PGM2L1: variants seen among roughly 807,000 people sequenced by gnomAD.
The protein encoded by PGM2L1 is phosphoglucomutase 2 like 1.
A neutral mutation model predicts 73.4 loss-of-function variants in PGM2L1; 35 were observed. The ratio of observed to expected loss-of-function variants is 0.48; its 90% CI spans 0.36 to 0.63. PGM2L1 has a LOEUF of 0.63. PGM2L1 is among the 30% of genes least tolerant of loss of function. The pLI is 0.00. For missense variants in PGM2L1, 570 were observed against 742.0 expected, an observed-to-expected ratio of 0.77 and a Z score of 2.69; for synonymous variants, 225 against 253.8, an observed-to-expected ratio of 0.89 and a Z score of 1.08.
chr11:74,392,326 G>A (rs1241569766), intron 1 of PGM2L1, among the ~76,000 whole-genome samples: 1 of 151,952 alleles, frequency 6.6e-6, no homozygotes, highest in Non-Finnish European at 1.5e-5. Context: ...AGGAGAAAAT[G>A]TAGGAAATTT....
chr11:74,365,174 G>A (rs1862635869), intron 5 of PGM2L1, among the ~76,000 whole-genome samples: 1 of 151,608 alleles, frequency 6.6e-6, no homozygotes, highest in Admixed American at 6.6e-5. Flanking sequence ...GTAGAAAGCT[G>A]AAACTGGATC....
At position 74,342,917 on chromosome 11, in the gene PGM2L1, T is replaced by C. The variant is rs912809803; in HGVS notation, c.1410A>G (p.Thr470=). ...MASYLETMNI[T]LKQQLVKVYE... Reference sequence around the variant, plus strand: ...AAACCTTAACCAGTTGCTGTTTCAATGTTATATTCATGGTTTCCAGGTAAG... The same window carrying C: ...AAACCTTAACCAGTTGCTGTTTCAACGTTATATTCATGGTTTCCAGGTAAG... The change falls in exon 11 of 14, where the codon ACA becomes ACG. Residue 470 remains threonine (T), a synonymous_variant. Coordinates refer to ENST00000298198, the MANE Select transcript of PGM2L1 (RefSeq NM_173582.6). The C allele has an allele frequency of 6.2e-7, 1 of 1,609,170 alleles. No homozygotes were observed. The highest frequency in any genetic ancestry group is 8.5e-7 in the Non-Finnish European group (1 of 1,178,002).
chr11:74,394,210 T>C (rs547818485), intron 1 of PGM2L1, among the ~76,000 whole-genome samples: 30 of 152,236 alleles, frequency 2.0e-4, no homozygotes, highest in Non-Finnish European at 4.1e-4. Flanking sequence ...TTTGATTTCA[T>C]GACCACCAAA....
chr11:74,337,367 T>C (rs1862113217), intron 13 of PGM2L1, among the ~76,000 whole-genome samples: 1 of 152,258 alleles, frequency 6.6e-6, no homozygotes, highest in Admixed American at 6.5e-5. Context: ...AGATGTAGCA[T>C]TACCCAATTT....
Position 74,353,176 on chromosome 11 carries a change from G to T in PGM2L1, c.556-1600C>A, listed in dbSNP as rs1862384511. Among the ~76,000 whole-genome samples, 4 of 151,512 alleles carry T rather than the reference G, an allele frequency of 2.6e-5. No individual in the cohort carries two copies. The South Asian group carries it at 6.2e-4, about 24-fold the overall frequency. Reference sequence around the variant, plus strand: ...TTAAAACAAACAAAAAACCCAGAATGTTTTTTTGTGTGTGTGTGTGTTGTA... The same window carrying T: ...TTAAAACAAACAAAAAACCCAGAATTTTTTTTTGTGTGTGTGTGTGTTGTA... On this transcript the variant is annotated intron_variant, in intron 5 of 13. Transcript: ENST00000298198.
chr11:74,338,506 T>C lies in PGM2L1; in HGVS notation c.1728A>G (p.Ile576Met). Residue 576 changes from isoleucine to methionine, a missense_variant, in exon 13 of 14, where the codon ATA becomes ATG. Transcript: ENST00000298198. Reference sequence around the variant, plus strand: ...ACGCACACATCTCTGCATAATACTTTATCTTTGGTTCTGTTCCACTTGTCC... The same window carrying C: ...ACGCACACATCTCTGCATAATACTTCATCTTTGGTTCTGTTCCACTTGTCC... ...TLRTSGTEPK[I>M]KYYAEMCASP... 1.2e-6 allele frequency: 2 copies of C among 1,604,718 alleles called. No individual in the cohort carries two copies. The highest frequency in any genetic ancestry group is 2.2e-5 in the East Asian group (1 of 44,792).
At chr11:74,374,658 T>C (rs1316304870) in intron 1 of PGM2L1, 76 bp from the exon 2 acceptor site, 2 of 1,251,538 alleles carry the variant, frequency 1.6e-6, no homozygotes, top group Non-Finnish European at 2.3e-6. Flanking sequence ...GAGGGGTCAA[T>C]ATGTACATAT....
chr11:74,387,440 T>A (rs981670002), intron 1 of PGM2L1, among the ~76,000 whole-genome samples: 1 of 152,224 alleles, frequency 6.6e-6, no homozygotes, highest in East Asian at 1.9e-4. Context: ...GTAAGTACCA[T>A]GTCTGGTACA....
At chr11:74,345,290 T>C (rs1214390087) in intron 9 of PGM2L1, among the ~76,000 whole-genome samples, 179 bp downstream of exon 9, 2 of 152,162 alleles carry the variant, frequency 1.3e-5, no homozygotes, top group African/African-American at 2.4e-5. Flanking sequence ...TATACGGTAC[T>C]GGATGAATTT....
chr11:74,350,561 T>C (rs905501491), intron 6 of PGM2L1, among the ~76,000 whole-genome samples: 1 of 152,204 alleles, frequency 6.6e-6, no homozygotes, highest in Non-Finnish European at 1.5e-5. Context: ...TGATCAATTT[T>C]AGAACATTCT....
At chr11:74,386,696 C>G (rs1863023377) in intron 1 of PGM2L1, among the ~76,000 whole-genome samples, 1 of 152,110 alleles carries the variant, frequency 6.6e-6, no homozygotes, top group South Asian at 2.1e-4. Context: ...AGGCTGGTCT[C>G]AAACTCTGGG....
At chr11:74,367,580 T>C (rs1214966322) in intron 5 of PGM2L1, among the ~76,000 whole-genome samples, 2 of 152,206 alleles carry the variant, frequency 1.3e-5, no homozygotes, top group Non-Finnish European at 2.9e-5. Context: ...TTGACCTTTT[T>C]CCTTTCTGCT....
chr11:74,354,861 C>A, intron 5 of PGM2L1: 2 of 858,964 alleles, frequency 2.3e-6, no homozygotes, highest in Middle Eastern at 3.3e-4. Flanking sequence ...CATGACTGAC[C>A]GAGGCAGTGG....
chr11:74,352,379 TTTA>T (rs1205058616), intron 5 of PGM2L1, among the ~76,000 whole-genome samples: 2 of 152,216 alleles, frequency 1.3e-5, no homozygotes, highest in Non-Finnish European at 2.9e-5. Context: ...CCAAATATAG[TTTA>T]TTAACAATTA....
In PGM2L1 at chr11:74,345,341, T is replaced by C. The variant is rs143166441; in HGVS notation, c.1218+128A>G. On this transcript the variant is annotated intron_variant, in intron 9 of 13. Coordinates refer to ENST00000298198, the MANE Select transcript of PGM2L1 (RefSeq NM_173582.6). ...AAATTATCAAAAGAGACTGAACAAG[T>C]GTTAACAGAATTAGAAAAATAAGGG... 3.0e-4 allele frequency: 274 copies of C among 915,848 alleles called. 1 individual carries two copies. The African/African-American group carries it at 4.2e-3, about 14-fold the overall frequency. The allele number at this position is 915,848 out of a possible 1,614,324, so 56.7% of individuals were successfully genotyped here. A position where few individuals can be genotyped will look rare whatever the true frequency, so the allele number is the denominator to read the frequency against.
chr11:74,382,696 G>A (rs1389593060), intron 1 of PGM2L1, among the ~76,000 whole-genome samples: 1 of 151,916 alleles, frequency 6.6e-6, no homozygotes, highest in Non-Finnish European at 1.5e-5. Context: ...ATTGGGTCTT[G>A]CCATGTTGCC....
chr11:74,333,710 T>C lies in PGM2L1; in HGVS notation c.*2942A>G, dbSNP rs751280420. 1.3e-5 allele frequency: 2 copies of C among 152,218 alleles called. No homozygotes were observed. The highest frequency in any genetic ancestry group is 2.9e-5 in the Non-Finnish European group (2 of 68,038). 9.4% of individuals were successfully genotyped at this position (152,218 alleles called of 1,614,324 possible). A position where few individuals can be genotyped will look rare whatever the true frequency, so the allele number is the denominator to read the frequency against. On this transcript the variant is annotated 3_prime_UTR_variant, in exon 14 of 14. Transcript: ENST00000298198. Reference sequence around the variant, plus strand: ...GGACACAGTTTATTCCCTACTGTTATGGTGTTACATTTGCCCTTCACGAGA... The same window carrying C: ...GGACACAGTTTATTCCCTACTGTTACGGTGTTACATTTGCCCTTCACGAGA...
At chr11:74,342,265 C>A (rs965896355) in intron 12 of PGM2L1, among the ~76,000 whole-genome samples, 196 bp downstream of exon 12, 2 of 151,996 alleles carry the variant, frequency 1.3e-5, no homozygotes, top group African/African-American at 4.8e-5. Flanking sequence ...GGCTCCAGGC[C>A]CCAACCCCAC....
intron 13 of PGM2L1, among the ~76,000 whole-genome samples, chr11:74,337,236 G>A (rs980230629): frequency 1.3e-5 from 2 of 152,338 alleles, no homozygotes; most frequent in Non-Finnish European, 2.9e-5. Flanking sequence ...CATCACTGAG[G>A]TGCTGCCGTT....
Sources: allele counts gnomAD v4.1 joint callset (sites outside exome capture counted in the v4.1 genomes callset), GRCh38; gene constraint gnomAD v4.1.1; transcripts MANE v1.5; gene names NCBI Gene and HGNC (gene_info 2026-07-23, HGNC 2026-07-21).